Variants in DNMBP observed in about 807,000 individuals in gnomAD.
DNMBP encodes dynamin binding protein.
A neutral mutation model predicts 150.0 loss-of-function variants in DNMBP; 87 were observed. That is an observed-to-expected ratio of 0.58 (90% CI 0.49 to 0.69). The LOEUF is 0.69. Ranked by LOEUF, DNMBP falls within the 30% of genes least tolerant of loss-of-function variation. DNMBP has a pLI of 0.00. For missense variants in DNMBP, 1,774 were observed against 1,949.0 expected (o/e 0.91, Z 1.69); for synonymous variants, 711 against 750.4 (o/e 0.95, Z 0.86).
intron 6 of DNMBP, among the ~76,000 whole-genome samples, chr10:99,903,702 C>G (rs1397236338): frequency 2.6e-5 from 4 of 152,192 alleles, no homozygotes; most frequent in African/African-American, 9.6e-5. Context: ...CATTAGTCTG[C>G]CACCTTCTTT....
chr10:99,898,054 T>C (rs2039681858), intron 9 of DNMBP, 32 bp downstream of exon 9: 2 of 1,580,950 alleles, frequency 1.3e-6, no homozygotes, highest in Middle Eastern at 1.7e-4. Context: ...TCAAAGGGCA[T>C]ACCTCCTTTT....
At chr10:99,971,836 TTTTCTTTCTTTC>T (rs528834177) in intron 2 of DNMBP, 132 bp downstream of exon 2, 4 of 871,416 alleles carry the variant, frequency 4.6e-6, no homozygotes, top group Non-Finnish European at 6.9e-6. Flanking sequence ...CTAGGAATAA[TTTTCTTTCTTTC>T]TTTCTTTCTT....
chr10:99,957,970 C>T (rs2040519798), intron 3 of DNMBP: 1 of 152,152 alleles, frequency 6.6e-6, no homozygotes. Flanking sequence ...ACCATCTCTA[C>T]TAAAAATACA....
At chr10:99,909,216 A>G in intron 4 of DNMBP, 70 bp from the exon 5 acceptor site, 1 of 1,273,634 alleles carries the variant, frequency 7.9e-7, no homozygotes, top group Non-Finnish European at 1.1e-6. Context: ...GTTTGAGGCA[A>G]ACAGAACCCA....
intron 4 of DNMBP, among the ~76,000 whole-genome samples, chr10:99,944,242 T>C (rs1277620416): frequency 6.6e-6 from 1 of 151,974 alleles, no homozygotes; most frequent in Non-Finnish European, 1.5e-5. Flanking sequence ...ATATGAATGA[T>C]AATATGACTA....
Position 99,900,015 on chromosome 10 carries a change from T to C in DNMBP, c.2606A>G (p.Tyr869Cys). Residue 869 changes from tyrosine (Y) to cysteine (C), a missense_variant, in exon 7 of 17, where the codon TAC (tyrosine) becomes TGC (cysteine). Tyr to Cys is a radical substitution (Grantham distance 194, BLOSUM62 -2). Coordinates refer to ENST00000324109, the MANE Select transcript of DNMBP (RefSeq NM_015221.4). ...AATGGCCTCATCATGATTCTGGCAG[T>C]AAATCTTGTATGTTCCCTCAAGCTC... is the stretch of plus-strand genomic sequence containing the variant. ...RDELEGTYKI[Y>C]CQNHDEAIAL... 6.2e-7 allele frequency: 1 copy of C among 1,614,140 alleles called. No homozygotes were observed. Among genetic ancestry groups the C allele is most frequent in the Non-Finnish European group, 8.5e-7 (1 of 1,180,024 alleles).
intron 1 of DNMBP, among the ~76,000 whole-genome samples, chr10:99,974,684 G>C (rs144594427): frequency 2.1e-4 from 32 of 152,200 alleles, no homozygotes; most frequent in Non-Finnish European, 3.7e-4. Flanking sequence ...GATGAATGAG[G>C]ACTCTACCTT....
rs71009780 is a variant in DNMBP, at chr10:99,879,084, C to CAAAAAAAAAAAAAAAAAAAAA, written c.4548+726_4548+727insTTTTTTTTTTTTTTTTTTTTT. On this transcript the variant is annotated intron_variant, in intron 16 of 16. Transcript: ENST00000324109. ...TGGGCGACAGAGCAAGACTCTGTCTCAAAAAAAAAAAAAAAAACCCAAAAC... is the reference window on the plus strand; with the variant it reads ...TGGGCGACAGAGCAAGACTCTGTCTCAAAAAAAAAAAAAAAAAAAAAAAAAAAAAAAAAAAAAACCCAAAAC... 2.4e-3 allele frequency among the ~76,000 whole-genome samples: 147 copies of CAAAAAAAAAAAAAAAAAAAAA among 62,352 alleles called. 5 individuals are homozygous for CAAAAAAAAAAAAAAAAAAAAA. Among genetic ancestry groups the CAAAAAAAAAAAAAAAAAAAAA allele is most frequent in the South Asian group, 6.3e-3 (10 of 1,594 alleles). 40.9% of individuals were successfully genotyped at this position (62,352 alleles called of 152,430 possible).
intron 16 of DNMBP, 66 bp downstream of exon 16, chr10:99,879,745 C>T (rs2133187301): frequency 6.3e-7 from 1 of 1,584,266 alleles, no homozygotes; most frequent in Non-Finnish European, 8.6e-7. Flanking sequence ...CTGCCTCACC[C>T]CCGCTGGTAC....
intron 10 of DNMBP, 52 bp from the exon 11 acceptor site, chr10:99,895,102 T>C: frequency 1.9e-6 from 2 of 1,058,864 alleles, no homozygotes; most frequent in Non-Finnish European, 2.8e-6. Flanking sequence ...TCCTTTAATC[T>C]TACTGGCAAA....
chr10:99,956,449 C>T lies in DNMBP; in HGVS notation c.1025G>A (p.Ser342Asn), dbSNP rs2040497314. 1 of 1,613,950 alleles carries T rather than the reference C, an allele frequency of 6.2e-7. No homozygotes were observed. The highest frequency in any genetic ancestry group is 8.5e-7 in the Non-Finnish European group (1 of 1,180,032). ...GTCAGGCTCCTCGGCCTCATGGTCA[C>T]TGGTTTCATGTCTTTGTTCCTCTAC... ...LGVEEQRHETSDHEAEEPDCI... is the reference protein window; with the variant it reads ...LGVEEQRHETNDHEAEEPDCI... Residue 342 changes from serine to asparagine, a missense_variant, in exon 4 of 17, where the codon AGT (serine) becomes AAT (asparagine). This residue lies in a region of DNMBP where 344 missense variants were observed against 456.6 expected (regional missense o/e 0.75). Coordinates refer to ENST00000324109, the MANE Select transcript of DNMBP (RefSeq NM_015221.4).
At chr10:99,953,248 T>C (rs890126827) in intron 4 of DNMBP, among the ~76,000 whole-genome samples, 2 of 152,118 alleles carry the variant, frequency 1.3e-5, no homozygotes, top group African/African-American at 4.8e-5. Flanking sequence ...ACTTAATCTC[T>C]TTTCAAATTT....
At chr10:99,990,803 A>G (rs1326851546) in intron 1 of DNMBP, among the ~76,000 whole-genome samples, 1 of 92,952 alleles carries the variant, frequency 1.1e-5, no homozygotes, top group East Asian at 2.5e-4. Flanking sequence ...ATACACACAT[A>G]TATACACATA....
chr10:99,937,477 A>C (rs1035586479), intron 4 of DNMBP, among the ~76,000 whole-genome samples: 2 of 152,246 alleles, frequency 1.3e-5, no homozygotes, highest in Non-Finnish European at 2.9e-5. Flanking sequence ...AAACTAGTAC[A>C]TGGCAGGGCC....
chr10:100,008,469 G>C (rs1193225941), intron 1 of DNMBP, among the ~76,000 whole-genome samples: 1 of 152,184 alleles, frequency 6.6e-6, no homozygotes, highest in Non-Finnish European at 1.5e-5. Flanking sequence ...CTGAATTTAA[G>C]TGAATTTAAC....
Position 99,898,736 on chromosome 10 carries a change from A to AACTT in DNMBP, c.2720+3_2720+6dup, listed in dbSNP as rs1467007890. On this transcript the variant is annotated splice_region_variant and intron_variant, in intron 8 of 16. Transcript: ENST00000324109. ...GAGCGCATACATCAAGCAGCAATGG[A>AACTT]ACTTACCATTCGTTGTATAGGCTCC... 1.2e-6 allele frequency: 2 copies of AACTT among 1,613,892 alleles called. No homozygotes were observed.
chr10:99,942,222 T>G (rs2040308642), intron 4 of DNMBP, among the ~76,000 whole-genome samples: 1 of 152,188 alleles, frequency 6.6e-6, no homozygotes, highest in Non-Finnish European at 1.5e-5. Context: ...TTCAGAAGGT[T>G]TTCTCTGATT....
chr10:99,919,327 A>G (rs995323314), intron 4 of DNMBP, among the ~76,000 whole-genome samples: 2 of 152,162 alleles, frequency 1.3e-5, no homozygotes, highest in Non-Finnish European at 2.9e-5. Context: ...GCTCAACTAC[A>G]TAACCCTCTA....
At chr10:99,915,148 T>TAC (rs1460417869) in intron 4 of DNMBP, among the ~76,000 whole-genome samples, 5 of 141,396 alleles carry the variant, frequency 3.5e-5, no homozygotes, top group African/African-American at 1.3e-4. Flanking sequence ...CACATATATA[T>TAC]ACATATATAT....
Sources: gnomAD v4.1 joint callset for allele counts (sites outside exome capture counted in the v4.1 genomes callset) on GRCh38, gnomAD v4.1.1 for gene constraint, gnomAD v4.1.1 regional missense constraint, MANE v1.5 for transcripts, NCBI Gene and HGNC (gene_info 2026-07-23, HGNC 2026-07-21) for gene names.